Variants in PTPRA observed in about 807,000 individuals in gnomAD.
PTPRA encodes the protein protein tyrosine phosphatase receptor type A, also known as receptor-type tyrosine-protein phosphatase alpha.
Under a neutral mutation model 104.8 loss-of-function variants are expected in PTPRA, and 25 were observed. The observed-to-expected ratio is 0.24, with a 90% CI of 0.17 to 0.33. The LOEUF (loss-of-function observed/expected upper bound fraction) is 0.33, where lower values mean the gene tolerates loss of function less well. Among genes scored for constraint, PTPRA ranks in the 10% least tolerant of loss-of-function variants. PTPRA has a pLI of 1.00. For synonymous variants in PTPRA, 323 were observed against 368.9 expected (o/e 0.88, Z 1.43); for missense variants, 765 against 1,015.3 (o/e 0.75, Z 3.35).
intron 1 of PTPRA, among the ~76,000 whole-genome samples, chr20:2,892,766 T>C (rs1484809071): frequency 6.6e-6 from 1 of 152,214 alleles, no homozygotes; most frequent in Non-Finnish European, 1.5e-5. Flanking sequence ...AGCCCCATTG[T>C]AGGGCAAGGA....
intron 17 of PTPRA, among the ~76,000 whole-genome samples, chr20:3,024,887 C>T (rs2065056683): frequency 9.9e-6 from 1 of 100,884 alleles, no homozygotes; most frequent in South Asian, 3.7e-4. Flanking sequence ...ACAGCAAGAG[C>T]AGTTTTTTCT....
At chr20:3,002,178 A>AGC (rs2063660230) in intron 9 of PTPRA, among the ~76,000 whole-genome samples, 1 of 15,826 alleles carries the variant, frequency 6.3e-5, no homozygotes, top group Admixed American at 1.5e-3. Flanking sequence ...TCCATCTGAC[A>AGC]AAAAATTGGT....
chr20:2,866,534 A>T, the PTPRA span: 1 of 1,614,196 alleles, frequency 6.2e-7, no homozygotes, highest in African/African-American at 1.3e-5. Flanking sequence ...GCCACAGCTG[A>T]CAAGATTCAA....
intron 3 of PTPRA, among the ~76,000 whole-genome samples, chr20:2,953,358 G>C (rs969808919): frequency 6.6e-6 from 1 of 151,864 alleles, no homozygotes; most frequent in Non-Finnish European, 1.5e-5. Context: ...GGGTTCAAGC[G>C]ATTCTCCTGC....
At chr20:2,899,450 T>C (rs1359579801) in intron 1 of PTPRA, among the ~76,000 whole-genome samples, 1 of 150,906 alleles carries the variant, frequency 6.6e-6, no homozygotes, top group Non-Finnish European at 1.5e-5. Flanking sequence ...ATGGGTGAGT[T>C]TTTTTTTTGT....
chr20:2,958,833 C>T (rs2061637613), intron 3 of PTPRA, among the ~76,000 whole-genome samples: 1 of 126,310 alleles, frequency 7.9e-6, no homozygotes, highest in Admixed American at 9.3e-5. Context: ...GGCAACAGAG[C>T]GAGACTGTAT....
At chr20:2,939,152 G>A (rs752167095) in intron 2 of PTPRA, among the ~76,000 whole-genome samples, 6 of 152,254 alleles carry the variant, frequency 3.9e-5, no homozygotes, top group South Asian at 2.1e-4. Flanking sequence ...GTGTTATTCC[G>A]GAGCAGTGTT....
At chr20:2,984,099 C>G (rs1446515034) in intron 6 of PTPRA, among the ~76,000 whole-genome samples, 2 of 151,882 alleles carry the variant, frequency 1.3e-5, no homozygotes, top group Non-Finnish European at 1.5e-5. Flanking sequence ...AAGGAGTGAT[C>G]AGCCAGTCTG....
upstream of PTPRA, among the ~76,000 whole-genome samples, chr20:2,871,903 G>A (rs1470336971): frequency 6.6e-6 from 1 of 152,240 alleles, no homozygotes; most frequent in Non-Finnish European, 1.5e-5. Flanking sequence ...TGGCCCTGCT[G>A]AGAGGGAGAG....
At position 3,008,615 on chromosome 20, in the gene PTPRA, C is replaced by T. The variant is rs117964004; in HGVS notation, c.906+1195C>T. 3.8e-3 allele frequency among the ~76,000 whole-genome samples: 578 copies of T among 151,490 alleles called. 4 individuals are homozygous for T. The highest frequency in any genetic ancestry group is 5.8e-3 in the Non-Finnish European group (393 of 67,836). On this transcript the variant is annotated intron_variant, in intron 11 of 23. Transcript: ENST00000399903. ...TACACTTAAAATGGCTAAAATCAGC[C>T]GGGCACGGTGGCACACCTGTAATCT...
chr20:2,879,363 A>T (rs942552606), intron 1 of PTPRA, among the ~76,000 whole-genome samples: 6 of 152,210 alleles, frequency 3.9e-5, no homozygotes, highest in African/African-American at 1.4e-4. Flanking sequence ...GTTACTAACC[A>T]GCTCCTGGGT....
chr20:2,864,184 G>A, the PTPRA span: 35 of 1,614,074 alleles, frequency 2.2e-5, 1 homozygote, highest in South Asian at 3.6e-4. This position sits in a 1 kb window ranked among gnomAD's most constrained non-coding sequence, Gnocchi z 5.2. Flanking sequence ...CACAGCTGCT[G>A]GAGTATGAGC....
intron 5 of PTPRA, among the ~76,000 whole-genome samples, chr20:2,974,664 A>G (rs1217455367): frequency 6.6e-6 from 1 of 152,126 alleles, no homozygotes; most frequent in Non-Finnish European, 1.5e-5. Context: ...TCCTGACCTC[A>G]GGTGATCCAC....
chr20:3,005,771 G>T (rs931981031), intron 10 of PTPRA, among the ~76,000 whole-genome samples: 7 of 152,050 alleles, frequency 4.6e-5, no homozygotes, highest in African/African-American at 1.7e-4. Flanking sequence ...AATGGTGGTG[G>T]TAGAGATGGT....
At chr20:2,864,860 A>G in the PTPRA span, 1 of 1,368,094 alleles carries the variant, frequency 7.3e-7, no homozygotes, top group Non-Finnish European at 1.0e-6. This position sits in a 1 kb window ranked among gnomAD's most constrained non-coding sequence, Gnocchi z 5.2. Context: ...TGCACCTAGC[A>G]GGCAAGGCTG....
At chr20:3,018,251 A>G (rs531140886) in intron 13 of PTPRA, among the ~76,000 whole-genome samples, 4 of 152,034 alleles carry the variant, frequency 2.6e-5, no homozygotes, top group South Asian at 2.1e-4. Context: ...TTTATTGATC[A>G]TTCTTGGGTG....
chr20:2,931,405 G>A (rs1353042549), intron 2 of PTPRA, among the ~76,000 whole-genome samples: 2 of 151,758 alleles, frequency 1.3e-5, no homozygotes, highest in African/African-American at 4.9e-5. Context: ...GGGTTTAAAG[G>A]GAAGGTAATT....
chr20:3,015,383 G>A (rs1026748799), intron 11 of PTPRA, among the ~76,000 whole-genome samples: 1 of 148,286 alleles, frequency 6.7e-6, no homozygotes, highest in Non-Finnish European at 1.5e-5. Context: ...GCTTGGCTCA[G>A]TGCAACCTCC....
At chr20:2,974,107 C>T (rs988302713) in intron 5 of PTPRA, among the ~76,000 whole-genome samples, 1 of 151,576 alleles carries the variant, frequency 6.6e-6, no homozygotes, top group African/African-American at 2.4e-5. Context: ...TACACCACCA[C>T]GCCTGGCTAA....
Sources: gnomAD v4.1 joint callset for allele counts (sites outside exome capture counted in the v4.1 genomes callset) on GRCh38, gnomAD v4.1.1 for gene constraint, Gnocchi (gnomAD v3.1) non-coding constraint, MANE v1.5 for transcripts, NCBI Gene and HGNC (gene_info 2026-07-23, HGNC 2026-07-21) for gene names.